C2orf81: variants seen among roughly 807,000 people sequenced by gnomAD.
The protein encoded by C2orf81 is chromosome 2 open reading frame 81.
In C2orf81, 5 loss-of-function variants were observed where a neutral mutation model predicts 7.9. The ratio of observed to expected loss-of-function variants is 0.63; its 90% CI spans 0.33 to 1.33. The LOEUF (loss-of-function observed/expected upper bound fraction) is 1.33, where lower values mean the gene tolerates loss of function less well. C2orf81 is among the 40% of genes most tolerant of loss of function. The pLI is 0.05. For missense variants in C2orf81, 781 were observed against 830.4 expected (o/e 0.94, Z 0.73); for synonymous variants, 346 against 367.4 (o/e 0.94, Z 0.66).
Position 74,414,816 on chromosome 2 carries a change from A to C in C2orf81, c.1361T>G (p.Phe454Cys), listed in dbSNP as rs1389023338. ...RDLDSGPALLFPTLNLGLSSP... is the reference protein window; with the variant it reads ...RDLDSGPALLCPTLNLGLSSP... ...CGATAGGCCTAAATTTAAAGTGGGG[A>C]ACAGGAGTGCGGGGCCCGAGTCCAA... Residue 454 changes from phenylalanine to cysteine, a missense_variant, in exon 3 of 3, where the codon TTC (phenylalanine) becomes TGC (cysteine). Physicochemically the swap from Phe to Cys is radical, Grantham distance 205. Transcript: ENST00000684111. The surrounding 1 kb of genome is among the most constrained non-coding windows in gnomAD (Gnocchi z 5.3). 1.5e-5 allele frequency: 24 copies of C among 1,551,512 alleles called. No individual in the cohort carries two copies. In the East Asian group the frequency reaches 5.6e-4, roughly 36 times the overall value.
Sources: gnomAD v4.1 joint callset for allele counts on GRCh38, gnomAD v4.1.1 for gene constraint, Gnocchi (gnomAD v3.1) non-coding constraint, MANE v1.5 for transcripts, NCBI Gene and HGNC (gene_info 2026-07-23, HGNC 2026-07-21) for gene names.